The following PCBP3 variants were observed in gnomAD, a reference collection of about 807,000 sequenced individuals.
PCBP3 encodes the protein poly(rC)-binding protein 3.
Under a neutral mutation model 52.7 loss-of-function variants are expected in PCBP3, and 25 were observed. The ratio of observed to expected loss-of-function variants is 0.47; its 90% CI spans 0.35 to 0.66. The LOEUF is 0.66. PCBP3 is among the 30% of genes least tolerant of loss of function. PCBP3 has a pLI of 0.01. For synonymous variants in PCBP3, 162 were observed against 183.0 expected (o/e 0.89, Z 0.93); for missense variants, 391 against 490.3 (o/e 0.80, Z 1.91).
chr21:45,941,905 TC>T lies in PCBP3; in HGVS notation c.*205del. ...TACAGAGGCTGCAGGCTCCGCCGAGTCCCCCCTCAGTGTTATTTTATTTATG... is the reference window on the plus strand; with the variant it reads ...TACAGAGGCTGCAGGCTCCGCCGAGTCCCCCTCAGTGTTATTTTATTTATG... On this transcript the variant is annotated 3_prime_UTR_variant, in exon 18 of 18. Transcript: ENST00000681687. 3 of 435,062 alleles carry T rather than the reference TC, an allele frequency of 6.9e-6. No individual in the cohort carries two copies. The highest frequency in any genetic ancestry group is 4.0e-6 in the Non-Finnish European group (1 of 247,124). The allele number at this position is 435,062 out of a possible 1,614,324, so 27.0% of individuals were successfully genotyped here.
At position 45,648,412 on chromosome 21, in the gene PCBP3, A is replaced by C. The variant is rs542760887; in HGVS notation, c.-279+4544A>C. On this transcript the variant is annotated intron_variant, in intron 1 of 17. Transcript: ENST00000681687. ...ATTTCACCTCCTAGGTAAGACTGGC[A>C]TCTGATATTGTCTTATTTGGCCCAA... Among the ~76,000 whole-genome samples, 9 of 152,364 alleles carry C rather than the reference A, an allele frequency of 5.9e-5. No individual in the cohort carries two copies. In the South Asian group the frequency reaches 1.9e-3, roughly 32 times the overall value.
intron 5 of PCBP3, among the ~76,000 whole-genome samples, chr21:45,852,446 G>A (rs7281566): frequency 0.063 from 1,699 of 27,002 alleles, 469 homozygotes; most frequent in East Asian, 0.42. Flanking sequence ...ACTTCTGTTC[G>A]GAAGGAACAC....
intron 4 of PCBP3, among the ~76,000 whole-genome samples, chr21:45,764,678 A>G (rs940816397): frequency 5.5e-4 from 84 of 152,258 alleles, no homozygotes; most frequent in Non-Finnish European, 4.8e-4. Flanking sequence ...CACCTGGGGT[A>G]CATGGAGTCA....
intron 5 of PCBP3, among the ~76,000 whole-genome samples, chr21:45,885,945 G>T (rs943458008): frequency 1.3e-5 from 2 of 152,164 alleles, no homozygotes; most frequent in Admixed American, 6.5e-5. Context: ...TTGAAATCTG[G>T]ACCTTCTGGA....
chr21:45,734,396 A>G (rs1401921854), intron 2 of PCBP3, among the ~76,000 whole-genome samples: 12 of 152,202 alleles, frequency 7.9e-5, no homozygotes, highest in Non-Finnish European at 1.0e-4. Context: ...GACCTCTGGG[A>G]TGTTTCTCTG....
Position 45,817,594 on chromosome 21 carries a change from C to T in PCBP3, c.-125-32367C>T, listed in dbSNP as rs537527959. On this transcript the variant is annotated intron_variant, in intron 4 of 17. Coordinates refer to ENST00000681687, the MANE Select transcript of PCBP3 (RefSeq NM_001384156.1). This position sits in a 1 kb window ranked among gnomAD's most constrained non-coding sequence, Gnocchi z 4.3. ...GCAGCTTGTGTGTGTGCTGCACTGCCGTGAGCAGCAACTTGACAGTGGACG... is the reference window on the plus strand; with the variant it reads ...GCAGCTTGTGTGTGTGCTGCACTGCTGTGAGCAGCAACTTGACAGTGGACG... Among the ~76,000 whole-genome samples, 3 of 152,324 alleles carry T rather than the reference C, an allele frequency of 2.0e-5. No homozygotes were observed. The highest frequency in any genetic ancestry group is 4.1e-4 in the South Asian group (2 of 4,826).
At chr21:45,780,129 A>G (rs1014629777) in intron 4 of PCBP3, among the ~76,000 whole-genome samples, 14 of 152,362 alleles carry the variant, frequency 9.2e-5, no homozygotes, top group Middle Eastern at 3.4e-3. Context: ...AGGAATTTCA[A>G]TCTCTAAAAC....
At chr21:45,823,681 C>T (rs775268009) in intron 4 of PCBP3, among the ~76,000 whole-genome samples, 23 of 151,886 alleles carry the variant, frequency 1.5e-4, no homozygotes, top group Non-Finnish European at 2.9e-4. Context: ...TTCAGGGATG[C>T]TCCTCAAAGA....
In PCBP3 at chr21:45,735,044, T is replaced by C. The variant is rs1490644175; in HGVS notation, c.-199-348T>C. On this transcript the variant is annotated intron_variant, in intron 2 of 17. Transcript: ENST00000681687. The surrounding 1 kb of genome is among the most constrained non-coding windows in gnomAD (Gnocchi z 4.0). ...TCCCGTCCCGTATACTCTCCCTGTG[T>C]TCTTACCTTCCCCTATAGATTCAGA... is the stretch of plus-strand genomic sequence containing the variant. Among the ~76,000 whole-genome samples the C allele has an allele frequency of 6.6e-6, 1 of 152,168 alleles. No homozygotes were observed. The highest frequency in any genetic ancestry group is 1.5e-5 in the Non-Finnish European group (1 of 68,012).
chr21:45,927,574 C>T (rs535118899), intron 13 of PCBP3, among the ~76,000 whole-genome samples: 41 of 151,396 alleles, frequency 2.7e-4, no homozygotes, highest in African/African-American at 9.0e-4. Context: ...GGTGAGCACC[C>T]GCCCATCCTC....
intron 17 of PCBP3, among the ~76,000 whole-genome samples, chr21:45,940,947 G>A (rs1450926562): frequency 2.0e-5 from 3 of 152,202 alleles, no homozygotes; most frequent in East Asian, 1.9e-4. Context: ...GACTGGAGGG[G>A]AGGAGAAGGG....
intron 10 of PCBP3, among the ~76,000 whole-genome samples, chr21:45,909,930 A>AC (rs1339963677): frequency 6.2e-4 from 31 of 49,744 alleles, no homozygotes; most frequent in Admixed American, 7.8e-4. Context: ...CCAGATATGG[A>AC]CCCCCCCAAC....
intron 2 of PCBP3, among the ~76,000 whole-genome samples, chr21:45,690,214 A>G (rs2082378419): frequency 6.6e-6 from 1 of 152,190 alleles, no homozygotes; most frequent in Admixed American, 6.5e-5. Context: ...ACAAGTGTCA[A>G]GGCATTTCAG....
In PCBP3 at chr21:45,845,581, TGTGA is replaced by T. The variant is rs572649729; in HGVS notation, c.-125-4376_-125-4373del. ...CTGCTTAAGCACCCGTGTGCACACG[TGTGA>T]GTGTGTGCCTTTGCCGTGTGTATGC... On this transcript the variant is annotated intron_variant, in intron 4 of 17. Transcript: ENST00000681687. 2.0e-3 allele frequency among the ~76,000 whole-genome samples: 302 copies of T among 151,062 alleles called. 1 individual carries two copies. Among genetic ancestry groups the T allele is most frequent in the African/African-American group, 7.0e-3 (289 of 41,024 alleles).
chr21:45,783,997 TGAG>T (rs1052462530), intron 4 of PCBP3, among the ~76,000 whole-genome samples: 6 of 152,182 alleles, frequency 3.9e-5, no homozygotes, highest in Non-Finnish European at 7.4e-5. Context: ...AGTAAAATGA[TGAG>T]GTAACATTTT....
At chr21:45,806,194 A>C (rs1014910545) in intron 4 of PCBP3, among the ~76,000 whole-genome samples, 1 of 152,226 alleles carries the variant, frequency 6.6e-6, no homozygotes, top group African/African-American at 2.4e-5. Context: ...CCCTCGTGGC[A>C]GGCTTGGTGC....
At chr21:45,820,450 A>G (rs1273345823) in intron 4 of PCBP3, among the ~76,000 whole-genome samples, 3 of 152,208 alleles carry the variant, frequency 2.0e-5, no homozygotes, top group Admixed American at 6.5e-5. Context: ...GTTCTCCCAC[A>G]ATCCTTGTGA....
chr21:45,893,785 G>A (rs923904805), intron 5 of PCBP3: 6 of 985,396 alleles, frequency 6.1e-6, no homozygotes, highest in African/African-American at 5.2e-5. Flanking sequence ...TGTGGGGAGG[G>A]GCGGGCAAGC....
intron 5 of PCBP3, among the ~76,000 whole-genome samples, chr21:45,875,185 G>A (rs1481294888): frequency 2.6e-5 from 4 of 152,060 alleles, no homozygotes; most frequent in Non-Finnish European, 4.4e-5. Flanking sequence ...ACTCACCGGG[G>A]CTGGGGGCCC....
Sources: gnomAD v4.1 joint callset for allele counts (sites outside exome capture counted in the v4.1 genomes callset) on GRCh38, gnomAD v4.1.1 for gene constraint, Gnocchi (gnomAD v3.1) non-coding constraint, MANE v1.5 for transcripts, NCBI Gene and HGNC (gene_info 2026-07-23, HGNC 2026-07-21) for gene names.